SGCZ: variants seen among roughly 807,000 people sequenced by gnomAD.
SGCZ encodes the protein zeta-sarcoglycan.
Under a neutral mutation model 41.3 loss-of-function variants are expected in SGCZ, and 40 were observed. That is an observed-to-expected ratio of 0.97 (90% CI 0.75 to 1.26). SGCZ has a LOEUF of 1.26. Ranked by LOEUF, SGCZ falls within the 50% of genes most tolerant of loss-of-function variation. The pLI is 0.00. For missense variants in SGCZ, 552 were observed against 369.8 expected (o/e 1.49, Z -4.04); for synonymous variants, 206 against 137.5 (o/e 1.50, Z -3.49).
chr8:14,236,869 T>A (rs1242516109), intron 4 of SGCZ, among the ~76,000 whole-genome samples: 1 of 151,632 alleles, frequency 6.6e-6, no homozygotes, highest in Non-Finnish European at 1.5e-5. Flanking sequence ...TTGATATAAA[T>A]CTCCAAATTA....
chr8:14,651,995 T>C (rs1807416119), intron 1 of SGCZ, among the ~76,000 whole-genome samples: 1 of 151,984 alleles, frequency 6.6e-6, no homozygotes, highest in African/African-American at 2.4e-5. Context: ...ACCAGCTGTG[T>C]TTCCTGTGAC....
At chr8:14,605,172 T>G (rs1020865648) in intron 1 of SGCZ, among the ~76,000 whole-genome samples, 1 of 152,146 alleles carries the variant, frequency 6.6e-6, no homozygotes, top group South Asian at 2.1e-4. Context: ...CCTTGAAACG[T>G]AAAATTCAAA....
At chr8:14,630,892 G>A (rs1358099983) in intron 1 of SGCZ, among the ~76,000 whole-genome samples, 1 of 148,456 alleles carries the variant, frequency 6.7e-6, no homozygotes, top group Non-Finnish European at 1.5e-5. Context: ...GAGGGGAGAG[G>A]GATAGCATTA....
chr8:15,219,568 G>A (rs1007023835), intron 1 of SGCZ, among the ~76,000 whole-genome samples: 1 of 152,208 alleles, frequency 6.6e-6, no homozygotes, highest in South Asian at 2.1e-4. Flanking sequence ...TTTATCTCAG[G>A]ATGCAGTACA....
At chr8:14,170,251 T>G (rs1293789552) in intron 4 of SGCZ, among the ~76,000 whole-genome samples, 1 of 152,134 alleles carries the variant, frequency 6.6e-6, no homozygotes, top group Non-Finnish European at 1.5e-5. Context: ...CTCTAGCATT[T>G]CCTGAAGTAA....
intron 1 of SGCZ, among the ~76,000 whole-genome samples, chr8:15,048,058 A>C (rs1267005777): frequency 6.6e-6 from 1 of 152,024 alleles, no homozygotes; most frequent in African/African-American, 2.4e-5. Context: ...ACCATTCTTC[A>C]CAATAGCCAA....
chr8:14,785,086 A>G (rs938656526), intron 1 of SGCZ, among the ~76,000 whole-genome samples: 9 of 150,026 alleles, frequency 6.0e-5, no homozygotes, highest in African/African-American at 2.2e-4. Context: ...AATTAGTAAT[A>G]AATACTACAA....
intron 1 of SGCZ, among the ~76,000 whole-genome samples, chr8:14,631,140 C>G (rs1806637982): frequency 1.3e-5 from 2 of 151,988 alleles, no homozygotes; most frequent in South Asian, 4.2e-4. Flanking sequence ...AAGAAGAGTA[C>G]TATTCATTGC....
At chr8:14,878,794 A>T (rs2130718132) in intron 1 of SGCZ, among the ~76,000 whole-genome samples, 1 of 152,330 alleles carries the variant, frequency 6.6e-6, no homozygotes, top group East Asian at 1.9e-4. Flanking sequence ...AAGTAGCAGT[A>T]ATGAGAAGAG....
At chr8:14,413,264 A>C (rs1036157725) in intron 2 of SGCZ, among the ~76,000 whole-genome samples, 1 of 152,026 alleles carries the variant, frequency 6.6e-6, no homozygotes, top group East Asian at 1.9e-4. Flanking sequence ...CAATCGACAA[A>C]GGGTACAGGT....
intron 5 of SGCZ, among the ~76,000 whole-genome samples, chr8:14,125,093 G>A (rs773336444): frequency 5.9e-5 from 9 of 152,144 alleles, no homozygotes; most frequent in Admixed American, 2.0e-4. Context: ...CAGGGGATGC[G>A]AAGGACTTCT....
intron 1 of SGCZ, among the ~76,000 whole-genome samples, chr8:14,927,733 A>G (rs576053159): frequency 6.6e-6 from 1 of 152,290 alleles, no homozygotes; most frequent in East Asian, 1.9e-4. Context: ...AAAAGAATAC[A>G]TTCATTGAAG....
intron 2 of SGCZ, among the ~76,000 whole-genome samples, chr8:14,390,589 T>C (rs1466821017): frequency 6.6e-6 from 1 of 151,866 alleles, no homozygotes; most frequent in Non-Finnish European, 1.5e-5. Context: ...AAACAATAGA[T>C]CATGGTAAGC....
At chr8:14,555,403 C>T (rs562385907) in intron 1 of SGCZ, among the ~76,000 whole-genome samples, 1 of 152,072 alleles carries the variant, frequency 6.6e-6, no homozygotes, top group African/African-American at 2.4e-5. Context: ...ATAGAGTTCT[C>T]ATGGGACGTG....
At chr8:15,068,608 G>T (rs564725094) in intron 1 of SGCZ, among the ~76,000 whole-genome samples, 110 of 152,254 alleles carry the variant, frequency 7.2e-4, no homozygotes, top group Non-Finnish European at 1.1e-3. Flanking sequence ...ATCCATGCTT[G>T]CATACTCAAA....
rs141106744 is a variant in SGCZ at position 14,133,863 on chromosome 8, C to A, written c.548-25628G>T. On this transcript the variant is annotated intron_variant, in intron 5 of 7. Transcript: ENST00000382080. ...AATTACCACTACATTATACTGCACTCCAGTTTTGTGTAACTTATTTCCCTT... is the reference window on the plus strand; with the variant it reads ...AATTACCACTACATTATACTGCACTACAGTTTTGTGTAACTTATTTCCCTT... 5.6e-3 allele frequency among the ~76,000 whole-genome samples: 845 copies of A among 152,238 alleles called. 5 individuals carry two copies. The highest frequency in any genetic ancestry group is 0.019 in the African/African-American group (804 of 41,562).
chr8:14,725,771 C>T (rs1039494185), intron 1 of SGCZ, among the ~76,000 whole-genome samples: 1 of 152,000 alleles, frequency 6.6e-6, no homozygotes, highest in Non-Finnish European at 1.5e-5. Context: ...TCACAGAACA[C>T]CCCATGTACT....
intron 1 of SGCZ, among the ~76,000 whole-genome samples, chr8:14,767,799 A>T (rs1800090105): frequency 6.6e-6 from 1 of 152,212 alleles, no homozygotes; most frequent in Admixed American, 6.5e-5. Flanking sequence ...AAGCACTGTG[A>T]AAACCACTAA....
intron 5 of SGCZ, among the ~76,000 whole-genome samples, chr8:14,115,054 G>T (rs1270986537): frequency 6.6e-6 from 1 of 151,812 alleles, no homozygotes; most frequent in South Asian, 2.1e-4. Flanking sequence ...CAAAAAAAAT[G>T]AAAAAATTAC....
Sources: allele counts gnomAD v4.1 joint callset (sites outside exome capture counted in the v4.1 genomes callset), GRCh38; gene constraint gnomAD v4.1.1; transcripts MANE v1.5; gene names NCBI Gene and HGNC (gene_info 2026-07-23, HGNC 2026-07-21).